Variants in ARID3A observed in about 807,000 individuals in gnomAD.
ARID3A encodes the protein AT-rich interactive domain-containing protein 3A.
ARID3A carries 11 observed loss-of-function variants against 52.7 expected under a neutral mutation model. The ratio of observed to expected loss-of-function variants is 0.21; its 90% CI spans 0.13 to 0.35. The LOEUF is 0.35. ARID3A is among the 10% of genes least tolerant of loss of function. ARID3A has a pLI of 1.00. For missense variants in ARID3A, 721 were observed against 838.5 expected, an observed-to-expected ratio of 0.86 and a Z score of 1.73; for synonymous variants, 404 against 359.4, an observed-to-expected ratio of 1.12 and a Z score of -1.40.
At chr19:940,928 G>T (rs10404332) in intron 3 of ARID3A, among the ~76,000 whole-genome samples, 1 of 151,766 alleles carries the variant, frequency 6.6e-6, no homozygotes, top group Non-Finnish European at 1.5e-5. Context: ...GGGTGGGTGG[G>T]TGCCCGCCAG....
In ARID3A at chr19:964,152, G is replaced by T. The variant is rs1031872568; in HGVS notation, c.767-96G>T. 3.4e-5 allele frequency: 35 copies of T among 1,015,086 alleles called. No homozygotes were observed. Among genetic ancestry groups the T allele is most frequent in the Non-Finnish European group, 4.4e-5 (30 of 689,324 alleles). 62.9% of individuals were successfully genotyped at this position (1,015,086 alleles called of 1,614,324 possible). A position where few individuals can be genotyped will look rare whatever the true frequency, so the allele number is the denominator to read the frequency against. Reference sequence around the variant, plus strand: ...TCTGTGGTTGTCACAGCCTGGGCGGGGGAGTGCTCCTGGCATGGAGAGGGC... The same window carrying T: ...TCTGTGGTTGTCACAGCCTGGGCGGTGGAGTGCTCCTGGCATGGAGAGGGC... On this transcript the variant is annotated intron_variant, in intron 4 of 8. Transcript: ENST00000263620. The surrounding 1 kb of genome is among the most constrained non-coding windows in gnomAD (Gnocchi z 5.7).
At chr19:954,316 C>T (rs1372819553) in intron 3 of ARID3A, among the ~76,000 whole-genome samples, 1 of 152,312 alleles carries the variant, frequency 6.6e-6, no homozygotes, top group South Asian at 2.1e-4. Context: ...GAAGGGGAGA[C>T]GATGGGCCCA....
intron 3 of ARID3A, among the ~76,000 whole-genome samples, chr19:951,933 C>G (rs1236211718): frequency 6.6e-6 from 1 of 151,080 alleles, no homozygotes; most frequent in Non-Finnish European, 1.5e-5. Context: ...GTCAGGAGTT[C>G]AAGACCAGCT....
chr19:972,948 T>A lies in ARID3A; in HGVS notation c.*883T>A, dbSNP rs1358740847. The A allele has an allele frequency of 1.0e-5, 2 of 200,270 alleles. No individual in the cohort carries two copies. Among genetic ancestry groups the A allele is most frequent in the Admixed American group, 6.1e-5 (1 of 16,402 alleles). The allele number at this position is 200,270 out of a possible 1,614,324, so 12.4% of individuals were successfully genotyped here. ...CCTGGGGCTAGAGCCGCGGAGCCAATGAACTCAGGTGCTATGGGCCGGGCT... is the reference window on the plus strand; with the variant it reads ...CCTGGGGCTAGAGCCGCGGAGCCAAAGAACTCAGGTGCTATGGGCCGGGCT... On this transcript the variant is annotated 3_prime_UTR_variant, in exon 9 of 9. Transcript: ENST00000263620.
At position 972,700 on chromosome 19, in the gene ARID3A, T is replaced by TG. The variant is rs1174739598; in HGVS notation, c.*641dup. On this transcript the variant is annotated 3_prime_UTR_variant, in exon 9 of 9. Transcript: ENST00000263620. The stretch of plus-strand genomic sequence containing the variant: ...TTGTGTAAATATTCTATTTTATTCT[T>TG]GGGGGGATCAAACCTTAGGAAAAGG... The TG allele has an allele frequency of 4.7e-6, 1 of 210,910 alleles. No homozygotes were observed. 13.1% of individuals were successfully genotyped at this position (210,910 alleles called of 1,614,324 possible). A position where few individuals can be genotyped will look rare whatever the true frequency, so the allele number is the denominator to read the frequency against.
At chr19:953,612 A>G (rs2037851739) in intron 3 of ARID3A, among the ~76,000 whole-genome samples, 1 of 151,984 alleles carries the variant, frequency 6.6e-6, no homozygotes, top group African/African-American at 2.4e-5. Context: ...AAGAAAACCA[A>G]AGAGGAATGA....
At position 972,031 on chromosome 19, in the gene ARID3A, C is replaced by T; in HGVS notation, c.1748C>T (p.Pro583Leu). ...GQAGPAGLST[P>L]STSTSNNSLP ...GCTGGGCCAGCGGGGCTGTCCACAC[C>T]CTCCACATCTACCTCAAATAACTCG... Residue 583 changes from proline to leucine, a missense_variant, in exon 9 of 9, where the codon CCC becomes CTC. Pro to Leu is a moderately conservative substitution (Grantham distance 98). Coordinates refer to ENST00000263620, the MANE Select transcript of ARID3A (RefSeq NM_005224.3). 1 of 1,586,822 alleles carries T rather than the reference C, an allele frequency of 6.3e-7. No individual in the cohort carries two copies. Among genetic ancestry groups the T allele is most frequent in the Non-Finnish European group, 8.6e-7 (1 of 1,168,498 alleles).
chr19:945,817 C>T (rs1264813408), intron 3 of ARID3A, among the ~76,000 whole-genome samples: 1 of 152,188 alleles, frequency 6.6e-6, no homozygotes, highest in East Asian at 1.9e-4. Flanking sequence ...TGGTGCTGGG[C>T]TGCGTTTCTG....
chr19:965,668 T>G (rs1289649001), intron 6 of ARID3A, among the ~76,000 whole-genome samples: 1 of 152,088 alleles, frequency 6.6e-6, no homozygotes, highest in Admixed American at 6.6e-5. Context: ...CACTACAGCC[T>G]GAGCAACAGT....
intron 8 of ARID3A, among the ~76,000 whole-genome samples, chr19:971,037 C>G (rs1349457168): frequency 6.6e-6 from 1 of 152,188 alleles, no homozygotes; most frequent in African/African-American, 2.4e-5. Context: ...TCTCGCAACC[C>G]CACATCAACG....
At position 938,551 on chromosome 19, in the gene ARID3A, A is replaced by T. The variant is rs530443572; in HGVS notation, c.693+5809A>T. On this transcript the variant is annotated intron_variant, in intron 3 of 8. Transcript: ENST00000263620. The surrounding 1 kb of genome is among the most constrained non-coding windows in gnomAD (Gnocchi z 4.0). The stretch of plus-strand genomic sequence containing the variant: ...CGGTGTGTGGATGGATGGCCCAGGG[A>T]GCTGCTGGTGGGACGGTTTTGGGGA... Among the ~76,000 whole-genome samples the T allele has an allele frequency of 6.6e-4, 100 of 152,264 alleles. No homozygotes were observed. Among genetic ancestry groups the T allele is most frequent in the African/African-American group, 2.3e-3 (95 of 41,544 alleles).
chr19:968,561 C>T lies in ARID3A; in HGVS notation c.1594+58C>T, dbSNP rs978670335. 5 of 1,546,278 alleles carry T rather than the reference C, an allele frequency of 3.2e-6. No individual in the cohort carries two copies. The African/African-American group carries it at 5.5e-5, about 17-fold the overall frequency. On this transcript the variant is annotated intron_variant, in intron 8 of 8. Coordinates refer to ENST00000263620, the MANE Select transcript of ARID3A (RefSeq NM_005224.3). Reference sequence around the variant, plus strand: ...CTCGCCTCTCCCGCCGCCGTGAACTCAGGACCCTGAGTTGCGCCTGGTCCC... The same window carrying T: ...CTCGCCTCTCCCGCCGCCGTGAACTTAGGACCCTGAGTTGCGCCTGGTCCC...
intron 3 of ARID3A, among the ~76,000 whole-genome samples, chr19:937,407 A>G (rs2037459215): frequency 6.6e-6 from 1 of 152,168 alleles, no homozygotes; most frequent in African/African-American, 2.4e-5. Context: ...CGGCTGAGTC[A>G]TACTCCGCTG....
chr19:931,447 G>A (rs1456911694), intron 2 of ARID3A, among the ~76,000 whole-genome samples: 4 of 120,384 alleles, frequency 3.3e-5, no homozygotes, highest in Non-Finnish European at 6.4e-5. Flanking sequence ...GTGAGACTGT[G>A]TCTCAAAAAA....
chr19:951,361 C>T (rs1195697499), intron 3 of ARID3A, among the ~76,000 whole-genome samples: 1 of 151,806 alleles, frequency 6.6e-6, no homozygotes. Context: ...TCAAGACCAG[C>T]CTGGCCAACA....
intron 3 of ARID3A, among the ~76,000 whole-genome samples, chr19:935,366 C>T (rs544472826): frequency 8.7e-4 from 132 of 152,324 alleles, no homozygotes; most frequent in Non-Finnish European, 1.7e-3. Context: ...CAGCACGTGT[C>T]GGGCAGTGAT....
At chr19:934,726 A>T (rs936741598) in intron 3 of ARID3A, among the ~76,000 whole-genome samples, 1 of 151,128 alleles carries the variant, frequency 6.6e-6, no homozygotes, top group African/African-American at 2.4e-5. Context: ...GGGCCTAGGG[A>T]TGGTCGTGGG....
chr19:968,824 T>G (rs1186380928), intron 8 of ARID3A: 1 of 200,812 alleles, frequency 5.0e-6, no homozygotes, highest in Non-Finnish European at 1.0e-5. Context: ...AATTTTTAAA[T>G]TTTTTGTTGC....
chr19:961,567 A>C (rs2038041976), intron 4 of ARID3A, among the ~76,000 whole-genome samples: 1 of 152,146 alleles, frequency 6.6e-6, no homozygotes, highest in Admixed American at 6.5e-5. Context: ...TCCAAAGCCA[A>C]CCCGTTTTGC....
Sources: gnomAD v4.1 joint callset for allele counts (sites outside exome capture counted in the v4.1 genomes callset) on GRCh38, gnomAD v4.1.1 for gene constraint, Gnocchi (gnomAD v3.1) non-coding constraint, MANE v1.5 for transcripts, NCBI Gene and HGNC (gene_info 2026-07-23, HGNC 2026-07-21) for gene names.